EEPD1: variants seen among roughly 807,000 people sequenced by gnomAD.
EEPD1 encodes the protein endonuclease/exonuclease/phosphatase family domain containing 1.
A neutral mutation model predicts 46.3 loss-of-function variants in EEPD1; 17 were observed. That is an observed-to-expected ratio of 0.37 (90% confidence interval 0.25 to 0.55). The LOEUF is 0.55. Among genes scored for constraint, EEPD1 ranks in the 20% least tolerant of loss-of-function variants. The pLI, the probability that EEPD1 is intolerant of heterozygous loss-of-function variation, is 0.83. For synonymous variants in EEPD1, 313 were observed against 315.6 expected (o/e 0.99, Z 0.09); for missense variants, 673 against 745.6 (o/e 0.90, Z 1.13).
At chr7:36,223,274 A>T (rs1230418966) in intron 2 of EEPD1, among the ~76,000 whole-genome samples, 1 of 152,204 alleles carries the variant, frequency 6.6e-6, no homozygotes, top group Non-Finnish European at 1.5e-5. Context: ...TGCTGGGTGG[A>T]GCTGGTGTGC....
At chr7:36,155,331 A>T in intron 2 of EEPD1, 129 bp downstream of exon 2, 1 of 1,144,260 alleles carries the variant, frequency 8.7e-7, no homozygotes, top group Non-Finnish European at 1.2e-6. Context: ...ATGTTCTTGA[A>T]GCCTCAGCCA....
At chr7:36,178,433 A>G (rs1025265033) in intron 2 of EEPD1, among the ~76,000 whole-genome samples, 2 of 152,220 alleles carry the variant, frequency 1.3e-5, no homozygotes, top group African/African-American at 2.4e-5. Flanking sequence ...CCCTCCCCCT[A>G]CACCTGGGCC....
intron 3 of EEPD1, among the ~76,000 whole-genome samples, chr7:36,278,032 C>CAG (rs897286657): frequency 1.3e-5 from 2 of 152,312 alleles, no homozygotes; most frequent in African/African-American, 4.8e-5. Context: ...TTGAACCTAT[C>CAG]AGAGTCATCT....
At chr7:36,236,184 T>A (rs1275848433) in intron 2 of EEPD1, among the ~76,000 whole-genome samples, 4 of 152,220 alleles carry the variant, frequency 2.6e-5, no homozygotes, top group Non-Finnish European at 5.9e-5. Flanking sequence ...CGGCGTCCGC[T>A]CTGGCCGCGC....
chr7:36,289,996 A>T (rs1256801311), intron 6 of EEPD1, among the ~76,000 whole-genome samples: 1 of 152,202 alleles, frequency 6.6e-6, no homozygotes. Context: ...TACTTTAAGG[A>T]TGAGTCCTCA....
chr7:36,283,022 GC>G (rs35941573), intron 4 of EEPD1, among the ~76,000 whole-genome samples: 18,797 of 152,252 alleles, frequency 0.12, 1,586 homozygotes, highest in Non-Finnish European at 0.18. Flanking sequence ...CTGAAATTCT[GC>G]CCCAGGCATC....
chr7:36,283,190 AC>A (rs1263623073), intron 4 of EEPD1, among the ~76,000 whole-genome samples: 1 of 151,964 alleles, frequency 6.6e-6, no homozygotes, highest in Non-Finnish European at 1.5e-5. Flanking sequence ...CTGTCTGGAA[AC>A]CCTGTTCCTC....
chr7:36,165,659 G>A (rs1439468302), intron 2 of EEPD1, among the ~76,000 whole-genome samples: 1 of 150,576 alleles, frequency 6.6e-6, no homozygotes, highest in Admixed American at 6.6e-5. Flanking sequence ...GGATGGTCTC[G>A]ATCTCTTGAC....
At position 36,299,493 on chromosome 7, in the gene EEPD1, G is replaced by T. The variant is rs781752981; in HGVS notation, c.*287G>T. 4.5e-6 allele frequency: 2 copies of T among 447,992 alleles called. No individual in the cohort carries two copies. Among genetic ancestry groups the T allele is most frequent in the Non-Finnish European group, 8.1e-6 (2 of 247,046 alleles). The allele number at this position is 447,992 out of a possible 1,614,324, so 27.8% of individuals were successfully genotyped here. A position where few individuals can be genotyped will look rare whatever the true frequency, so the allele number is the denominator to read the frequency against. ...CTGAGCAGCATTGGGCTGGCTGTCC[G>T]CTGCTGACTGGATGGCAGCACAAAG... On this transcript the variant is annotated 3_prime_UTR_variant, in exon 8 of 8. Transcript: ENST00000242108.
chr7:36,283,292 C>T (rs1055094071), intron 4 of EEPD1, among the ~76,000 whole-genome samples: 1 of 152,178 alleles, frequency 6.6e-6, no homozygotes. Flanking sequence ...GTGGAAGGAG[C>T]AGCACGCAGG....
chr7:36,264,463 G>C (rs552162414), intron 3 of EEPD1, among the ~76,000 whole-genome samples: 1 of 152,184 alleles, frequency 6.6e-6, no homozygotes, highest in African/African-American at 2.4e-5. Flanking sequence ...CGTGGCGTGT[G>C]TGTAAAGGGC....
intron 4 of EEPD1, among the ~76,000 whole-genome samples, chr7:36,284,418 G>A (rs532837564): frequency 6.6e-6 from 1 of 152,168 alleles, no homozygotes; most frequent in Non-Finnish European, 1.5e-5. Flanking sequence ...GTGCCTAGCC[G>A]GGGCTTCACC....
At chr7:36,170,410 A>G (rs1038681222) in intron 2 of EEPD1, among the ~76,000 whole-genome samples, 2 of 150,262 alleles carry the variant, frequency 1.3e-5, no homozygotes, top group Middle Eastern at 3.4e-3. Context: ...CTCTGTCTCA[A>G]AAAAAAAAAG....
rs573821660 is a variant in EEPD1, at chr7:36,246,968, A to G, written c.930+7932A>G. Among the ~76,000 whole-genome samples the G allele has an allele frequency of 5.9e-5, 9 of 152,220 alleles. No homozygotes were observed. The South Asian group carries it at 1.2e-3, about 21-fold the overall frequency. ...TGGTGAAACCCCATCTCTACCAAAA[A>G]TACAAAAATTAGCCAGGCGTGGTGG... On this transcript the variant is annotated intron_variant, in intron 3 of 7. Transcript: ENST00000242108.
At chr7:36,188,008 G>C (rs1272555208) in intron 2 of EEPD1, among the ~76,000 whole-genome samples, 1 of 150,822 alleles carries the variant, frequency 6.6e-6, no homozygotes, top group East Asian at 1.9e-4. Context: ...ATGTTGGTCA[G>C]GCTGGTCTTG....
chr7:36,206,243 AGT>A lies in EEPD1; in HGVS notation c.879-32740_879-32739del, dbSNP rs1785815385. The stretch of plus-strand genomic sequence containing the variant: ...GGCTAGGTCAGAGAGAACAGTTCTC[AGT>A]GGACTGTCAGCCATGGGGCTGTGTG... On this transcript the variant is annotated intron_variant, in intron 2 of 7. Transcript: ENST00000242108. 2.0e-5 allele frequency among the ~76,000 whole-genome samples: 3 copies of A among 152,138 alleles called. No individual in the cohort carries two copies. In the South Asian group the frequency reaches 6.2e-4, roughly 32 times the overall value.
chr7:36,161,600 TCAGA>T (rs1352365283), intron 2 of EEPD1, among the ~76,000 whole-genome samples: 1 of 151,968 alleles, frequency 6.6e-6, no homozygotes, highest in Non-Finnish European at 1.5e-5. Context: ...TCCAAAATAC[TCAGA>T]CAGGAACATG....
chr7:36,195,762 CA>C (rs560075312), intron 2 of EEPD1, among the ~76,000 whole-genome samples: 12 of 151,456 alleles, frequency 7.9e-5, no homozygotes, highest in Admixed American at 2.0e-4. Flanking sequence ...GTTCTTATCA[CA>C]AAAAAAATGG....
At chr7:36,230,404 C>T (rs1044394539) in intron 2 of EEPD1, among the ~76,000 whole-genome samples, 1 of 152,168 alleles carries the variant, frequency 6.6e-6, no homozygotes, top group Non-Finnish European at 1.5e-5. Context: ...TTGACAGACC[C>T]TCTGAGCAGG....
Sources: gnomAD v4.1 joint callset for allele counts (sites outside exome capture counted in the v4.1 genomes callset) on GRCh38, gnomAD v4.1.1 for gene constraint, MANE v1.5 for transcripts, NCBI Gene and HGNC (gene_info 2026-07-23, HGNC 2026-07-21) for gene names.